The following SMOC1 variants were observed in gnomAD, a reference collection of about 807,000 sequenced individuals.
SMOC1 encodes SPARC-related modular calcium-binding protein 1.
Under a neutral mutation model 56.3 loss-of-function variants are expected in SMOC1, and 22 were observed. The ratio of observed to expected loss-of-function variants is 0.39; its 90% CI spans 0.28 to 0.56. The LOEUF is 0.56. Among genes scored for constraint, SMOC1 ranks in the 20% least tolerant of loss-of-function variants. The pLI is 0.61. For missense variants in SMOC1, 509 were observed against 565.4 expected (o/e 0.90, Z 1.01); for synonymous variants, 193 against 215.0 (o/e 0.90, Z 0.89).
intron 3 of SMOC1, among the ~76,000 whole-genome samples, chr14:69,970,317 G>T (rs749601755): frequency 6.6e-6 from 1 of 152,134 alleles, no homozygotes; most frequent in African/African-American, 2.4e-5. Flanking sequence ...CATCTGCCGG[G>T]ACAAGGTACT....
chr14:69,963,443 T>C (rs1354080804), intron 3 of SMOC1, among the ~76,000 whole-genome samples: 2 of 152,188 alleles, frequency 1.3e-5, no homozygotes, highest in Non-Finnish European at 2.9e-5. Flanking sequence ...CTTCTTTGAA[T>C]CTACAAGCAG....
At chr14:70,001,416 G>T (rs1884964902) in intron 7 of SMOC1, among the ~76,000 whole-genome samples, 2 of 152,198 alleles carry the variant, frequency 1.3e-5, no homozygotes, top group Non-Finnish European at 2.9e-5. Flanking sequence ...GGGGGTGATG[G>T]TGTGGTCCAT....
chr14:69,962,929 T>C (rs1883437977), intron 3 of SMOC1, among the ~76,000 whole-genome samples: 1 of 152,188 alleles, frequency 6.6e-6, no homozygotes, highest in African/African-American at 2.4e-5. Context: ...TTTTATTTCT[T>C]ATAACTTCAT....
At chr14:69,892,452 A>T (rs1344159265) in intron 1 of SMOC1, among the ~76,000 whole-genome samples, 1 of 152,254 alleles carries the variant, frequency 6.6e-6, no homozygotes, top group African/African-American at 2.4e-5. Context: ...AGCAAGCTGT[A>T]TCGGAAATGA....
intron 1 of SMOC1, among the ~76,000 whole-genome samples, chr14:69,906,309 C>T (rs1327368230): frequency 1.3e-5 from 2 of 152,196 alleles, no homozygotes; most frequent in African/African-American, 2.4e-5. Flanking sequence ...AGGACATTCA[C>T]CTTTGGAGCC....
chr14:69,995,585 C>G, intron 7 of SMOC1, among the ~76,000 whole-genome samples: 1 of 152,186 alleles, frequency 6.6e-6, no homozygotes, highest in East Asian at 1.9e-4. Flanking sequence ...CATTGTAGCT[C>G]CAACACTTAG....
intron 10 of SMOC1, among the ~76,000 whole-genome samples, chr14:70,018,880 C>T (rs1427596465): frequency 2.0e-5 from 3 of 152,228 alleles, no homozygotes; most frequent in Non-Finnish European, 2.9e-5. Flanking sequence ...TTCCCAGCCG[C>T]ACCCGCACAG....
chr14:69,894,676 G>A lies in SMOC1; in HGVS notation c.99+14899G>A, dbSNP rs541530587. The stretch of plus-strand genomic sequence containing the variant: ...CTGTGTGGTGAGAAGGGTGATGGAC[G>A]TGGATGGTCAGAGCCCGGAGAGGGG... On this transcript the variant is annotated intron_variant, in intron 1 of 11. Coordinates refer to ENST00000361956, the MANE Select transcript of SMOC1 (RefSeq NM_001034852.3). Among the ~76,000 whole-genome samples, 7 of 152,326 alleles carry A rather than the reference G, an allele frequency of 4.6e-5. No homozygotes were observed. The East Asian group carries it at 7.7e-4, about 17-fold the overall frequency.
Position 69,914,786 on chromosome 14 carries a change from T to C in SMOC1, c.99+35009T>C, listed in dbSNP as rs193223452. On this transcript the variant is annotated intron_variant, in intron 1 of 11. Transcript: ENST00000361956. ...CTTATCCCAAGTGCTGCCTGACAGTTCTGTTCTCTTCCTCTAGTCCATTCA... is the reference window on the plus strand; with the variant it reads ...CTTATCCCAAGTGCTGCCTGACAGTCCTGTTCTCTTCCTCTAGTCCATTCA... Among the ~76,000 whole-genome samples, 63 of 152,354 alleles carry C rather than the reference T, an allele frequency of 4.1e-4. 1 individual carries two copies. The highest frequency in any genetic ancestry group is 4.1e-3 in the Admixed American group (63 of 15,302).
chr14:70,030,476 G>A lies in SMOC1; in HGVS notation c.*218G>A. On this transcript the variant is annotated 3_prime_UTR_variant, in exon 12 of 12. Coordinates refer to ENST00000361956, the MANE Select transcript of SMOC1 (RefSeq NM_001034852.3). ...ACCACAGTGGGAAAAGGAAAGGGAA[G>A]AAAGACTTTATTCTCTCTCTTATTG... 3.5e-6 allele frequency: 1 copy of A among 286,594 alleles called. No individual in the cohort carries two copies. The allele number at this position is 286,594 out of a possible 1,614,324, so 17.8% of individuals were successfully genotyped here.
intron 1 of SMOC1, among the ~76,000 whole-genome samples, chr14:69,897,600 C>T (rs1182077403): frequency 6.6e-6 from 1 of 151,630 alleles, no homozygotes; most frequent in Non-Finnish European, 1.5e-5. Context: ...AGTGGTTGCC[C>T]CAGAGTTTGC....
chr14:69,989,250 C>CT (rs1377154678), intron 5 of SMOC1, among the ~76,000 whole-genome samples: 2 of 152,132 alleles, frequency 1.3e-5, no homozygotes, highest in Non-Finnish European at 2.9e-5. Flanking sequence ...TTAGAAGTAT[C>CT]TTGTTGTGGT....
At chr14:69,925,898 G>A (rs867191589) in intron 1 of SMOC1, among the ~76,000 whole-genome samples, 9 of 152,280 alleles carry the variant, frequency 5.9e-5, no homozygotes, top group Middle Eastern at 6.8e-3. Flanking sequence ...AGACCACCAC[G>A]AAAGACAGAC....
intron 7 of SMOC1, among the ~76,000 whole-genome samples, chr14:70,009,794 C>T (rs1885268003): frequency 6.6e-6 from 1 of 152,100 alleles, no homozygotes; most frequent in South Asian, 2.1e-4. Context: ...TTAACTTTGG[C>T]AGGATTATAG....
At chr14:69,905,658 A>G (rs1289510389) in intron 1 of SMOC1, among the ~76,000 whole-genome samples, 3 of 152,186 alleles carry the variant, frequency 2.0e-5, no homozygotes, top group African/African-American at 7.2e-5. Context: ...ATGAGTTGAT[A>G]GTGGGGTTGA....
chr14:69,950,439 A>T (rs1418175411), intron 1 of SMOC1, among the ~76,000 whole-genome samples: 6 of 152,192 alleles, frequency 3.9e-5, no homozygotes, highest in African/African-American at 1.4e-4. Flanking sequence ...TATTTGCTTC[A>T]CACAAAGGGC....
chr14:69,999,411 G>T (rs1015626339), intron 7 of SMOC1, among the ~76,000 whole-genome samples: 1 of 152,202 alleles, frequency 6.6e-6, no homozygotes, highest in African/African-American at 2.4e-5. Context: ...AGCTCGCAGG[G>T]AAACCAGCGG....
At chr14:69,980,120 G>T (rs1035047355) in intron 5 of SMOC1, among the ~76,000 whole-genome samples, 4 of 152,142 alleles carry the variant, frequency 2.6e-5, no homozygotes, top group African/African-American at 9.7e-5. Context: ...AGCACCCTTT[G>T]TTCCCTTTTA....
At chr14:70,014,694 G>T (rs1885446753) in intron 10 of SMOC1, among the ~76,000 whole-genome samples, 2 of 152,226 alleles carry the variant, frequency 1.3e-5, no homozygotes, top group African/African-American at 4.8e-5. Flanking sequence ...TAGTGTCTAG[G>T]CTCCTTACAG....
Sources: allele counts gnomAD v4.1 joint callset (sites outside exome capture counted in the v4.1 genomes callset), GRCh38; gene constraint gnomAD v4.1.1; transcripts MANE v1.5; gene names NCBI Gene and HGNC (gene_info 2026-07-23, HGNC 2026-07-21).